ACBD6: variants seen among roughly 807,000 people sequenced by gnomAD.
The protein encoded by ACBD6 is acyl-CoA binding domain containing 6.
Under a neutral mutation model 37.2 loss-of-function variants are expected in ACBD6, and 28 were observed. The observed-to-expected ratio is 0.75, with a 90% CI of 0.56 to 1.03. The LOEUF (loss-of-function observed/expected upper bound fraction) is 1.03. Among genes scored for constraint, ACBD6 ranks in the 50% least tolerant of loss-of-function variants. The probability of loss-of-function intolerance (pLI) is 0.00; values close to 1 mark genes in which losing one functional copy is unlikely to be tolerated. For missense variants in ACBD6, 340 were observed against 337.4 expected, an observed-to-expected ratio of 1.01 and a Z score of -0.06; for synonymous variants, 113 against 126.8, an observed-to-expected ratio of 0.89 and a Z score of 0.73.
intron 6 of ACBD6, among the ~76,000 whole-genome samples, chr1:180,395,302 GAT>G (rs761187981): frequency 1.2e-4 from 18 of 152,062 alleles, no homozygotes; most frequent in African/African-American, 2.9e-4. Context: ...TCAAAGAAGA[GAT>G]ATGTGTGTCT....
chr1:180,444,680 T>G (rs1404376715), intron 3 of ACBD6, among the ~76,000 whole-genome samples: 2 of 152,002 alleles, frequency 1.3e-5, no homozygotes, highest in African/African-American at 4.8e-5. Flanking sequence ...TTCTCTCTAC[T>G]CAAAATCCAT....
rs370655998 is a variant in ACBD6 at position 180,467,472 on chromosome 1, A to AAAAAAC, written c.384+24796_384+24797insGTTTTT. Among the ~76,000 whole-genome samples the AAAAAAC allele has an allele frequency of 2.4e-3, 280 of 114,500 alleles. 8 individuals are homozygous for AAAAAAC. Among genetic ancestry groups the AAAAAAC allele is most frequent in the African/African-American group, 9.6e-3 (264 of 27,374 alleles). 75.1% of individuals were successfully genotyped at this position (114,500 alleles called of 152,430 possible). On this transcript the variant is annotated intron_variant, in intron 3 of 7. Coordinates refer to ENST00000367595, the MANE Select transcript of ACBD6 (RefSeq NM_032360.4). The stretch of plus-strand genomic sequence containing the variant: ...GCAAAAAAAAAAAAAAAAAAAAAAA[A>AAAAAAC]CAAAAACAAACAAACAAAAAAACTT...
At chr1:180,394,813 A>G (rs920204360) in intron 6 of ACBD6, among the ~76,000 whole-genome samples, 4 of 152,194 alleles carry the variant, frequency 2.6e-5, no homozygotes, top group African/African-American at 7.2e-5. Flanking sequence ...CATACATAGG[A>G]TACATATATC....
intron 5 of ACBD6, among the ~76,000 whole-genome samples, chr1:180,409,150 A>G (rs1215093835): frequency 7.2e-5 from 11 of 152,024 alleles, no homozygotes; most frequent in Admixed American, 7.2e-4. Flanking sequence ...TCTAAAAAAA[A>G]GAGAAAATTT....
At chr1:180,319,039 T>A (rs989779657) in intron 6 of ACBD6, among the ~76,000 whole-genome samples, 1 of 152,174 alleles carries the variant, frequency 6.6e-6, no homozygotes, top group African/African-American at 2.4e-5. Context: ...TTTGAGATTA[T>A]TATTAGTCTG....
intron 3 of ACBD6, among the ~76,000 whole-genome samples, chr1:180,467,472 A>AAAAAAAAAC (rs370655998): frequency 3.5e-5 from 4 of 114,522 alleles, no homozygotes; most frequent in Non-Finnish European, 5.0e-5. Flanking sequence ...AAAAAAAAAA[A>AAAAAAAAAC]CAAAAACAAA....
At chr1:180,351,060 G>A (rs1334361880) in intron 6 of ACBD6, among the ~76,000 whole-genome samples, 1 of 151,786 alleles carries the variant, frequency 6.6e-6, no homozygotes, top group East Asian at 1.9e-4. Context: ...TTATTCTTAT[G>A]GTAATCTGTA....
At chr1:180,471,355 T>C (rs1163629026) in intron 3 of ACBD6, among the ~76,000 whole-genome samples, 2 of 151,620 alleles carry the variant, frequency 1.3e-5, no homozygotes, top group Non-Finnish European at 2.9e-5. Flanking sequence ...TGAGACATCA[T>C]TGTGCCACTG....
intron 4 of ACBD6, among the ~76,000 whole-genome samples, chr1:180,429,840 C>T (rs1648743067): frequency 6.6e-6 from 1 of 152,214 alleles, no homozygotes; most frequent in African/African-American, 2.4e-5. Flanking sequence ...TCTTGTCCCA[C>T]CAACTACTTG....
At chr1:180,448,353 C>T (rs1284350702) in intron 3 of ACBD6, among the ~76,000 whole-genome samples, 4 of 152,114 alleles carry the variant, frequency 2.6e-5, no homozygotes, top group African/African-American at 9.7e-5. Context: ...GTCATCTTTA[C>T]CTAAATTTAA....
intron 6 of ACBD6, among the ~76,000 whole-genome samples, chr1:180,320,190 A>C (rs534408625): frequency 6.1e-4 from 93 of 152,304 alleles, no homozygotes; most frequent in African/African-American, 2.1e-3. Context: ...TTTGGATATA[A>C]GCCATTTTCA....
chr1:180,454,009 A>C (rs1571532411), intron 3 of ACBD6, among the ~76,000 whole-genome samples: 2 of 152,314 alleles, frequency 1.3e-5, no homozygotes, highest in Admixed American at 1.3e-4. Context: ...TTCTTCAAAG[A>C]ATTAGAAAAA....
intron 6 of ACBD6, among the ~76,000 whole-genome samples, chr1:180,391,010 C>G (rs1048334099): frequency 1.3e-5 from 2 of 152,110 alleles, no homozygotes; most frequent in East Asian, 1.9e-4. Context: ...AATTAAGAAT[C>G]TAGAAATAAA....
Position 180,449,938 on chromosome 1 carries a change from C to A in ACBD6, c.385-19676G>T, listed in dbSNP as rs544195884. Among the ~76,000 whole-genome samples, 4 of 147,578 alleles carry A rather than the reference C, an allele frequency of 2.7e-5. No individual in the cohort carries two copies. The East Asian group carries it at 7.9e-4, about 29-fold the overall frequency. ...AAAAAAACTTAAAAAAAAAAGCATG[C>A]TAATCTAATTTCCGGATGACAGGGT... On this transcript the variant is annotated intron_variant, in intron 3 of 7. Transcript: ENST00000367595.
chr1:180,424,347 G>A (rs1648496640), intron 4 of ACBD6, among the ~76,000 whole-genome samples: 1 of 151,968 alleles, frequency 6.6e-6, no homozygotes, highest in South Asian at 2.1e-4. Context: ...AATGTTAACT[G>A]TCATTATTCT....
At chr1:180,288,994 A>T (rs10913961) in intron 7 of ACBD6, among the ~76,000 whole-genome samples, 1,725 of 149,714 alleles carry the variant, frequency 0.012, 26 homozygotes, top group African/African-American at 0.039. Flanking sequence ...TAAATTTTTT[A>T]AAAAAAAGCT....
rs199948105 is a variant in ACBD6, at chr1:180,438,557, C to CA, written c.385-8296dup. Among the ~76,000 whole-genome samples the CA allele has an allele frequency of 1.3e-3, 198 of 151,342 alleles. 4 individuals are homozygous for CA. The East Asian group carries it at 0.035, about 27-fold the overall frequency. ...ACTAATTAAGAGTTACGTGGTAGTT[C>CA]AAAAAAAATAAGTATAGTTCTTTTT... is the stretch of plus-strand genomic sequence containing the variant. On this transcript the variant is annotated intron_variant, in intron 3 of 7. Transcript: ENST00000367595.
chr1:180,487,060 C>T lies in ACBD6; in HGVS notation c.384+5209G>A, dbSNP rs182921660. On this transcript the variant is annotated intron_variant, in intron 3 of 7. Coordinates refer to ENST00000367595, the MANE Select transcript of ACBD6 (RefSeq NM_032360.4). ...TGAGAAACTGCTCCATTAGAGGAGA[C>T]TAAAGATACATGACAACTAAATACG... 1.1e-3 allele frequency among the ~76,000 whole-genome samples: 164 copies of T among 152,068 alleles called. 1 individual carries two copies. The highest frequency in any genetic ancestry group is 7.1e-3 in the Admixed American group (109 of 15,256).
Position 180,481,081 on chromosome 1 carries a change from G to A in ACBD6, c.384+11188C>T, listed in dbSNP as rs1651023961. Among the ~76,000 whole-genome samples, 3 of 151,654 alleles carry A rather than the reference G, an allele frequency of 2.0e-5. No individual in the cohort carries two copies. In the South Asian group the frequency reaches 6.2e-4, roughly 32 times the overall value. The stretch of plus-strand genomic sequence containing the variant: ...ATTTTATATCAGATCTGGCACTACT[G>A]AGCATTCATGGCAATAACTGGCTGG... On this transcript the variant is annotated intron_variant, in intron 3 of 7. Coordinates refer to ENST00000367595, the MANE Select transcript of ACBD6 (RefSeq NM_032360.4).
Sources: allele counts gnomAD v4.1 joint callset (sites outside exome capture counted in the v4.1 genomes callset), GRCh38; gene constraint gnomAD v4.1.1; transcripts MANE v1.5; gene names NCBI Gene and HGNC (gene_info 2026-07-23, HGNC 2026-07-21).